Variants in PRELID2 observed in about 807,000 individuals in gnomAD.
The protein encoded by PRELID2 is PRELI domain-containing protein 2.
PRELID2 carries 25 observed loss-of-function variants against 28.4 expected under a neutral mutation model. The observed-to-expected ratio is 0.88, with a 90% CI of 0.64 to 1.23. The LOEUF is 1.23. Ranked by LOEUF, PRELID2 falls within the 50% of genes most tolerant of loss-of-function variation. PRELID2 has a pLI of 0.00. For missense variants in PRELID2, 201 were observed against 214.4 expected, an observed-to-expected ratio of 0.94 and a Z score of 0.39; for synonymous variants, 76 against 71.6, an observed-to-expected ratio of 1.06 and a Z score of -0.31.
Position 145,577,429 on chromosome 5 carries a change from A to C in PRELID2, n.71-104114T>G, listed in dbSNP as rs536890807. ...GATTAAAGTTTAGAAAATCAAACAG[A>C]AATTCCAGAGCTGAAAAATACAATG... On this transcript the variant is annotated intron_variant and non_coding_transcript_variant, in intron 1 of 2. Transcript: ENST00000510259. Among the ~76,000 whole-genome samples the C allele has an allele frequency of 7.9e-5, 12 of 152,282 alleles. 1 individual carries two copies. Among genetic ancestry groups the C allele is most frequent in the African/African-American group, 2.9e-4 (12 of 41,576 alleles).
chr5:145,457,511 A>G, the PRELID2 span, among the ~76,000 whole-genome samples: 9 of 152,196 alleles, frequency 5.9e-5, no homozygotes, highest in African/African-American at 2.2e-4. Flanking sequence ...TGGGGAGTAA[A>G]TTATATTCAG....
chr5:145,346,471 C>T, the PRELID2 span, among the ~76,000 whole-genome samples: 2 of 152,058 alleles, frequency 1.3e-5, no homozygotes, highest in Non-Finnish European at 2.9e-5. Flanking sequence ...CTATTCTTGG[C>T]CCAAGATAAT....
chr5:145,659,104 C>T (rs764145457), intron 1 of PRELID2, among the ~76,000 whole-genome samples: 3 of 152,100 alleles, frequency 2.0e-5, no homozygotes, highest in Non-Finnish European at 4.4e-5. Flanking sequence ...AGGGAAGGGT[C>T]GGATCACACG....
At chr5:145,231,140 G>T in the PRELID2 span, among the ~76,000 whole-genome samples, 2 of 151,964 alleles carry the variant, frequency 1.3e-5, no homozygotes, top group Non-Finnish European at 2.9e-5. Flanking sequence ...CCACCACAGG[G>T]TCTATTCCAG....
At chr5:145,671,756 T>A (rs1385479454) in intron 1 of PRELID2, among the ~76,000 whole-genome samples, 2 of 152,184 alleles carry the variant, frequency 1.3e-5, no homozygotes, top group African/African-American at 4.8e-5. Flanking sequence ...TAATTAGAGT[T>A]GATATGTAAG....
intron 1 of PRELID2, among the ~76,000 whole-genome samples, chr5:145,597,152 T>C (rs1006417329): frequency 6.6e-6 from 1 of 152,234 alleles, no homozygotes; most frequent in Non-Finnish European, 1.5e-5. Flanking sequence ...CAAAGATTTC[T>C]AGATCTGAGA....
the PRELID2 span, among the ~76,000 whole-genome samples, chr5:145,267,751 C>T: frequency 6.6e-6 from 1 of 152,214 alleles, no homozygotes; most frequent in African/African-American, 2.4e-5. Context: ...CCATAGTGGT[C>T]GTGCTAATGT....
intron 2 of PRELID2, among the ~76,000 whole-genome samples, chr5:145,822,150 G>GACCTAGGC (rs2149872466): frequency 6.6e-6 from 1 of 152,224 alleles, no homozygotes; most frequent in African/African-American, 2.4e-5. Flanking sequence ...GAGCATGCTG[G>GACCTAGGC]ACCTAGGCCC....
At chr5:145,762,410 G>A (rs1044257110) in intron 6 of PRELID2, among the ~76,000 whole-genome samples, 3 of 151,656 alleles carry the variant, frequency 2.0e-5, no homozygotes, top group Admixed American at 6.6e-5. Context: ...GGTGGTGCAC[G>A]CCTATGGTCC....
intron 1 of PRELID2, among the ~76,000 whole-genome samples, chr5:145,627,096 C>T (rs992589880): frequency 3.1e-5 from 1 of 32,040 alleles, no homozygotes; most frequent in Non-Finnish European, 5.6e-5. Context: ...TAAGACTCTC[C>T]CAAAAAAAAA....
rs142749749 is a variant in PRELID2 at position 145,815,579 on chromosome 5, G to A, written c.368+2315C>T. Among the ~76,000 whole-genome samples the A allele has an allele frequency of 1.5e-3, 224 of 152,160 alleles. 1 individual carries two copies. The highest frequency in any genetic ancestry group is 2.4e-3 in the Non-Finnish European group (162 of 68,008). On this transcript the variant is annotated intron_variant, in intron 4 of 6. Transcript: ENST00000683046. Reference sequence around the variant, plus strand: ...AGTCACTCATCACTCCCCTCTCCCCGTAACCCATGGAAACCAATAATCTAC... The same window carrying A: ...AGTCACTCATCACTCCCCTCTCCCCATAACCCATGGAAACCAATAATCTAC...
intron 1 of PRELID2, among the ~76,000 whole-genome samples, chr5:145,608,749 G>C (rs1202341691): frequency 6.6e-6 from 1 of 152,124 alleles, no homozygotes; most frequent in Non-Finnish European, 1.5e-5. Flanking sequence ...GTATCTCATA[G>C]GGGTTATCTG....
chr5:145,513,942 T>C (rs374710291), intron 1 of PRELID2, among the ~76,000 whole-genome samples: 2 of 151,956 alleles, frequency 1.3e-5, no homozygotes, highest in East Asian at 3.9e-4. Flanking sequence ...GACAGGCAAA[T>C]GCTAAGAGAT....
chr5:145,447,358 A>T, the PRELID2 span, among the ~76,000 whole-genome samples: 1 of 151,804 alleles, frequency 6.6e-6, no homozygotes, highest in Non-Finnish European at 1.5e-5. Context: ...TCTCCGTTAC[A>T]TGAAAGATAC....
chr5:145,685,825 G>A (rs1452199340), intron 1 of PRELID2, among the ~76,000 whole-genome samples: 1 of 152,126 alleles, frequency 6.6e-6, no homozygotes, highest in Non-Finnish European at 1.5e-5. Context: ...TAGAAGAGAA[G>A]GTAAACAAAC....
At chr5:145,726,235 A>ATGAG (rs1554086556) in intron 1 of PRELID2, among the ~76,000 whole-genome samples, 11 of 91,096 alleles carry the variant, frequency 1.2e-4, no homozygotes, top group African/African-American at 5.4e-4. Context: ...GAAGGAAGGA[A>ATGAG]GGAGGGAGGG....
At chr5:145,689,109 T>C (rs1381918787) in intron 1 of PRELID2, among the ~76,000 whole-genome samples, 1 of 152,000 alleles carries the variant, frequency 6.6e-6, no homozygotes, top group Non-Finnish European at 1.5e-5. Flanking sequence ...TTAAAAAGTA[T>C]AAATTTGGAA....
At chr5:145,696,900 G>A (rs1348326515) in intron 1 of PRELID2, among the ~76,000 whole-genome samples, 1 of 151,380 alleles carries the variant, frequency 6.6e-6, no homozygotes, top group Non-Finnish European at 1.5e-5. Context: ...CTAAAAAATA[G>A]TATATATTCA....
the PRELID2 span, among the ~76,000 whole-genome samples, chr5:145,281,736 G>A: frequency 6.6e-6 from 1 of 152,156 alleles, no homozygotes; most frequent in East Asian, 1.9e-4. Context: ...AACAATTACA[G>A]CTTTTTATTC....
Sources: allele counts gnomAD v4.1 joint callset (sites outside exome capture counted in the v4.1 genomes callset), GRCh38; gene constraint gnomAD v4.1.1; transcripts MANE v1.5; gene names NCBI Gene and HGNC (gene_info 2026-07-23, HGNC 2026-07-21).